DDHD1: variants seen among roughly 807,000 people sequenced by gnomAD.
The protein encoded by DDHD1 is DDHD domain containing 1.
DDHD1 carries 49 observed loss-of-function variants against 96.4 expected under a neutral mutation model. The ratio of observed to expected loss-of-function variants is 0.51; its 90% CI spans 0.40 to 0.64. The LOEUF (loss-of-function observed/expected upper bound fraction) is 0.64, where lower values mean the gene tolerates loss of function less well. DDHD1 is among the 30% of genes least tolerant of loss of function. The pLI, the probability that DDHD1 is intolerant of heterozygous loss-of-function variation, is 0.00. For missense variants in DDHD1, 1,106 were observed against 1,161.2 expected (o/e 0.95, Z 0.69); for synonymous variants, 442 against 446.5 (o/e 0.99, Z 0.13).
At chr14:53,060,919 C>T (rs767061929) in intron 8 of DDHD1, among the ~76,000 whole-genome samples, 2 of 152,110 alleles carry the variant, frequency 1.3e-5, no homozygotes, top group South Asian at 2.1e-4. Flanking sequence ...TAATACTGTG[C>T]CATATAACCT....
chr14:53,075,456 G>C (rs1190182541), intron 4 of DDHD1, among the ~76,000 whole-genome samples: 2 of 152,144 alleles, frequency 1.3e-5, no homozygotes. Context: ...CTAAAAGACT[G>C]AGAGGGGCAA....
chr14:53,119,932 G>A (rs1477204790), intron 1 of DDHD1, among the ~76,000 whole-genome samples: 1 of 152,180 alleles, frequency 6.6e-6, no homozygotes, highest in African/African-American at 2.4e-5. Flanking sequence ...CTATTCAACA[G>A]AGTACTGGAA....
chr14:53,132,822 G>A (rs527688888), intron 1 of DDHD1, among the ~76,000 whole-genome samples: 455 of 152,240 alleles, frequency 3.0e-3, no homozygotes, highest in Non-Finnish European at 4.8e-3. Context: ...CAGTGCTCAG[G>A]GCAACGCTTC....
Position 53,055,947 on chromosome 14 carries a change from T to C in DDHD1, c.1993-35A>G, listed in dbSNP as rs3742530. On this transcript the variant is annotated intron_variant, in intron 9 of 12. Transcript: ENST00000673822. Reference sequence around the variant, plus strand: ...AAAAAAAAAATTCAAAGAAACACAGTGTTAAATCACAATGCTTGGATTTTA... The same window carrying C: ...AAAAAAAAAATTCAAAGAAACACAGCGTTAAATCACAATGCTTGGATTTTA... 1,374 of 1,564,906 alleles carry C rather than the reference T, an allele frequency of 8.8e-4. 47 individuals are homozygous for C. In the East Asian group the frequency reaches 0.03, roughly 35 times the overall value.
intron 1 of DDHD1, among the ~76,000 whole-genome samples, chr14:53,146,805 C>T (rs1891014271): frequency 6.6e-6 from 1 of 152,094 alleles, no homozygotes; most frequent in African/African-American, 2.4e-5. Flanking sequence ...AAGAGTAGAA[C>T]TGTAGATTAT....
At chr14:53,049,657 CAAAAAA>C (rs11323291) in intron 12 of DDHD1, among the ~76,000 whole-genome samples, 7 of 84,714 alleles carry the variant, frequency 8.3e-5, no homozygotes, top group African/African-American at 1.8e-4. Flanking sequence ...TGAGCTAGGT[CAAAAAA>C]AAAAAAAAAA....
chr14:53,106,995 CTTCCTT>C (rs759481622), intron 1 of DDHD1, among the ~76,000 whole-genome samples: 52 of 152,116 alleles, frequency 3.4e-4, no homozygotes, highest in Non-Finnish European at 8.8e-5. Context: ...GGTTGTTTTC[CTTCCTT>C]TTATCAATGG....
At chr14:53,099,880 G>A (rs1595173874) in intron 2 of DDHD1, among the ~76,000 whole-genome samples, 1 of 152,058 alleles carries the variant, frequency 6.6e-6, no homozygotes, top group South Asian at 2.1e-4. Context: ...TTATCTCTTT[G>A]TGGGTTATCT....
chr14:53,057,342 G>C (rs1191771112), intron 9 of DDHD1, among the ~76,000 whole-genome samples: 1 of 151,960 alleles, frequency 6.6e-6, no homozygotes, highest in Non-Finnish European at 1.5e-5. Flanking sequence ...CATTTTTCTT[G>C]TCTGAAAATC....
In DDHD1 at chr14:53,058,522, C is replaced by T. The variant is rs747195596; in HGVS notation, c.1947G>A (p.Glu649=). The T allele has an allele frequency of 6.2e-7, 1 of 1,613,448 alleles. No individual in the cohort carries two copies. Among genetic ancestry groups the T allele is most frequent in the Non-Finnish European group, 8.5e-7 (1 of 1,179,806 alleles). ...TGSQDHILPR[E]ICNRLLNIFH... is the part of the protein sequence containing the mutation. Reference sequence around the variant, plus strand: ...AAATATTTAGTAACCGGTTACAAATCTCTCTAGGCAAAATATGGTCTTGAC... The same window carrying T: ...AAATATTTAGTAACCGGTTACAAATTTCTCTAGGCAAAATATGGTCTTGAC... The change falls in exon 9 of 13, where the codon GAG becomes GAA. Residue 649 remains glutamate, a synonymous_variant. Transcript: ENST00000673822.
chr14:53,089,076 G>T (rs1886220543), intron 4 of DDHD1, among the ~76,000 whole-genome samples: 1 of 152,118 alleles, frequency 6.6e-6, no homozygotes, highest in African/African-American at 2.4e-5. Flanking sequence ...TTGCTTCAAA[G>T]AGAATAAAAT....
chr14:53,152,115 TC>T, intron 1 of DDHD1, 145 bp downstream of exon 1: 13 of 789,724 alleles, frequency 1.6e-5, no homozygotes, highest in South Asian at 7.5e-5. Context: ...CTGCCGACGC[TC>T]CCTGCTCAAT....
Position 53,091,799 on chromosome 14 carries a change from G to T in DDHD1, c.1275C>A (p.Ile425=). Residue 425 remains isoleucine, a synonymous_variant, in exon 4 of 13, where the codon ATC becomes ATA. Transcript: ENST00000673822. ...IGQKMDQGRI[I]KNTAMMREAA... The stretch of plus-strand genomic sequence containing the variant: ...AAAGAACTTACATAGCTGTATTTTT[G>T]ATAATTCTTCCTTGGTCCATTTTCT... 3.1e-6 allele frequency: 5 copies of T among 1,612,462 alleles called. No homozygotes were observed. Among genetic ancestry groups the T allele is most frequent in the East Asian group, 2.2e-5 (1 of 44,814 alleles).
At chr14:53,126,419 G>A (rs1258318481) in intron 1 of DDHD1, among the ~76,000 whole-genome samples, 1 of 152,206 alleles carries the variant, frequency 6.6e-6, no homozygotes, top group East Asian at 1.9e-4. Flanking sequence ...CTAGAGTGCA[G>A]TGCAGTGGAG....
chr14:53,115,061 G>A (rs544391871), intron 1 of DDHD1, among the ~76,000 whole-genome samples: 4 of 152,204 alleles, frequency 2.6e-5, no homozygotes, highest in African/African-American at 9.6e-5. Flanking sequence ...AACACAGTCC[G>A]AGAACTTCAT....
intron 2 of DDHD1, among the ~76,000 whole-genome samples, chr14:53,099,560 G>A (rs890666969): frequency 4.6e-5 from 7 of 152,208 alleles, no homozygotes; most frequent in Non-Finnish European, 7.3e-5. Context: ...TTTGGGCAGA[G>A]TGATGTGCTG....
At chr14:53,077,779 T>C (rs1319915299) in intron 4 of DDHD1, among the ~76,000 whole-genome samples, 2 of 151,256 alleles carry the variant, frequency 1.3e-5, no homozygotes, top group African/African-American at 4.9e-5. Flanking sequence ...AGAAACACCA[T>C]ACCCATTAGC....
chr14:53,075,043 G>T (rs772951353), intron 4 of DDHD1, among the ~76,000 whole-genome samples: 12 of 152,046 alleles, frequency 7.9e-5, no homozygotes, highest in Non-Finnish European at 1.6e-4. Context: ...CTCCTGCTCC[G>T]AGGGCTTCCG....
intron 1 of DDHD1, among the ~76,000 whole-genome samples, chr14:53,139,938 A>G (rs924351283): frequency 2.6e-5 from 4 of 152,066 alleles, no homozygotes; most frequent in African/African-American, 9.7e-5. Flanking sequence ...TTAATATACT[A>G]AAGGCTCTAG....
Sources: allele counts gnomAD v4.1 joint callset (sites outside exome capture counted in the v4.1 genomes callset), GRCh38; gene constraint gnomAD v4.1.1; transcripts MANE v1.5; gene names NCBI Gene and HGNC (gene_info 2026-07-23, HGNC 2026-07-21).